Variants in VMA22 observed in about 807,000 individuals in gnomAD.
The protein encoded by VMA22 is vacuolar ATPase assembly factor VMA22, also known as vacuolar ATPase assembly protein VMA22.
At chr2:130,339,699 GGGCTGACCA>G in the VMA22 span, 1 of 1,304,364 alleles carries the variant, frequency 7.7e-7, no homozygotes, top group Non-Finnish European at 1.0e-6. Context: ...TTCAGCAGCA[GGGCTGACCA>G]CACATTGGAT....
chr2:130,341,802 C>CCG, the VMA22 span: 1 of 325,984 alleles, frequency 3.1e-6, no homozygotes, highest in Non-Finnish European at 5.8e-6. Context: ...CTAGAACGCG[C>CCG]CCGCCCGCCC....
the VMA22 span, chr2:130,338,953 CA>C: frequency 1.7e-6 from 1 of 604,500 alleles, no homozygotes; most frequent in Admixed American, 2.9e-5. Flanking sequence ...TTTGCCTCTT[CA>C]AACTTCACAC....
chr2:130,341,390 T>A, the VMA22 span: 1 of 551,530 alleles, frequency 1.8e-6, no homozygotes, highest in African/African-American at 1.9e-5. Context: ...ATTAGAAGTT[T>A]GTCCCTCTGA....
At chr2:130,342,521 G>A in the VMA22 span, 1 of 468,036 alleles carries the variant, frequency 2.1e-6, no homozygotes, top group Admixed American at 3.8e-5. Context: ...GAAAGGAGCC[G>A]GCAAGCAACC....
chr2:130,342,542 G>A, the VMA22 span: 1 of 459,442 alleles, frequency 2.2e-6, no homozygotes, highest in African/African-American at 2.0e-5. Context: ...TTCAGTCGGT[G>A]TGCGGTTTTT....
At chr2:130,339,897 T>A in the VMA22 span, 1 of 1,168,718 alleles carries the variant, frequency 8.6e-7, no homozygotes, top group Non-Finnish European at 1.1e-6. Flanking sequence ...TGTCAAAAAC[T>A]TTGGAATTTA....
chr2:130,340,682 T>G, the VMA22 span: 3 of 570,904 alleles, frequency 5.3e-6, no homozygotes, highest in Non-Finnish European at 9.4e-6. Flanking sequence ...AAAGTGTTTG[T>G]CTCTTTTGTT....
At chr2:130,338,801 C>T in the VMA22 span, 3 of 307,842 alleles carry the variant, frequency 9.7e-6, no homozygotes, top group African/African-American at 2.2e-5. Context: ...CACAGTGTTC[C>T]ATCATCCAGC....
the VMA22 span, chr2:130,338,226 C>CA: frequency 6.6e-6 from 1 of 152,030 alleles, no homozygotes; most frequent in South Asian, 2.1e-4. Flanking sequence ...AAATAATGAT[C>CA]AAAAAACACA....
chr2:130,339,640 G>C, the VMA22 span: 1 of 1,305,116 alleles, frequency 7.7e-7, no homozygotes, highest in African/African-American at 1.5e-5. Context: ...GTCTCTGCTG[G>C]AACAGCTGCT....
At chr2:130,340,999 C>T in the VMA22 span, 23 of 1,612,780 alleles carry the variant, frequency 1.4e-5, no homozygotes, top group Admixed American at 1.0e-4. Flanking sequence ...CAGAGGACTC[C>T]GGTTCTGGGG....
the VMA22 span, chr2:130,342,253 AC>A: frequency 6.5e-7 from 1 of 1,537,328 alleles, no homozygotes; most frequent in South Asian, 1.2e-5. Context: ...CGCCGGCAGC[AC>A]CAAGGCCTCT....
chr2:130,338,544 A>G, the VMA22 span: 2 of 152,162 alleles, frequency 1.3e-5, no homozygotes, highest in East Asian at 1.9e-4. Context: ...ATGGTAAGAC[A>G]AAGAGACAGG....
At chr2:130,341,711 C>T in the VMA22 span, 12 of 1,611,632 alleles carry the variant, frequency 7.4e-6, no homozygotes, top group Non-Finnish European at 1.0e-5. Context: ...GACACCAGCT[C>T]TCACCACCTT....
At chr2:130,341,763 A>T in the VMA22 span, 12 of 1,610,190 alleles carry the variant, frequency 7.5e-6, no homozygotes, top group Middle Eastern at 2.2e-4. Context: ...AAGGACGAGA[A>T]GGGAGGATGG....
chr2:130,341,351 C>T, the VMA22 span: 5 of 538,532 alleles, frequency 9.3e-6, no homozygotes, highest in Non-Finnish European at 1.3e-5. Flanking sequence ...TCCAACTCCC[C>T]ATTCTTTGTC....
At chr2:130,341,891 C>A in the VMA22 span, 2 of 1,583,352 alleles carry the variant, frequency 1.3e-6, no homozygotes, top group Non-Finnish European at 1.7e-6. Context: ...ACTGCAGGGG[C>A]CCTACCGACT....
At chr2:130,338,543 C>T in the VMA22 span, 1 of 152,190 alleles carries the variant, frequency 6.6e-6, no homozygotes, top group Non-Finnish European at 1.5e-5. Context: ...TATGGTAAGA[C>T]AAAGAGACAG....
chr2:130,339,711 C>T, the VMA22 span: 1 of 1,304,330 alleles, frequency 7.7e-7, no homozygotes, highest in South Asian at 1.2e-5. Context: ...GCTGACCACA[C>T]ATTGGATCAC....
Sources: gnomAD v4.1 joint callset for allele counts on GRCh38, gnomAD v4.1.1 for gene constraint, MANE v1.5 for transcripts, NCBI Gene and HGNC (gene_info 2026-07-23, HGNC 2026-07-21) for gene names.